AFF2: variants seen among roughly 807,000 people sequenced by gnomAD.
AFF2 encodes ALF transcription elongation factor 2.
Under a neutral mutation model 76.9 loss-of-function variants are expected in AFF2, and 14 were observed. The ratio of observed to expected loss-of-function variants is 0.18; its 90% CI spans 0.12 to 0.28. The LOEUF (loss-of-function observed/expected upper bound fraction) is 0.28. Among genes scored for constraint, AFF2 ranks in the 10% least tolerant of loss-of-function variants. AFF2 has a pLI of 1.00. For synonymous variants in AFF2, 398 were observed against 366.7 expected, an observed-to-expected ratio of 1.09 and a Z score of -0.98; for missense variants, 868 against 1,001.1, an observed-to-expected ratio of 0.87 and a Z score of 1.79.
chrX:148,581,616 A>G (rs368788371), intron 1 of AFF2, among the ~76,000 whole-genome samples: 19 of 98,166 alleles, frequency 1.9e-4, no homozygotes, highest in African/African-American at 7.6e-4. Context: ...GTACACACAT[A>G]TATACGTATA....
At chrX:148,849,634 T>TG (rs1431911092) in intron 7 of AFF2, among the ~76,000 whole-genome samples, 1 of 111,215 alleles carries the variant, frequency 9.0e-6, no homozygotes, top group Non-Finnish European at 1.9e-5. Flanking sequence ...TCATACTTAT[T>TG]GAGTGCCTAC....
At chrX:148,612,430 G>C (rs1023940245) in intron 1 of AFF2, among the ~76,000 whole-genome samples, 1 of 112,290 alleles carries the variant, frequency 8.9e-6, no homozygotes, top group South Asian at 3.6e-4. Flanking sequence ...AATATACATT[G>C]CTTTTCTAAT....
intron 1 of AFF2, among the ~76,000 whole-genome samples, chrX:148,508,610 A>G (rs1360609228): frequency 1.8e-5 from 2 of 111,826 alleles, no homozygotes; most frequent in African/African-American, 6.5e-5. Flanking sequence ...TTGAACAATG[A>G]AAAATGCAAT....
intron 3 of AFF2, among the ~76,000 whole-genome samples, chrX:148,732,603 A>C (rs1158559436): frequency 3.1e-5 from 3 of 96,965 alleles, no homozygotes; most frequent in Admixed American, 2.2e-4. Flanking sequence ...AAAGAAATAC[A>C]AGCAGATGAA....
intron 8 of AFF2, among the ~76,000 whole-genome samples, chrX:148,895,802 C>T (rs1557280259): frequency 9.0e-6 from 1 of 110,774 alleles, no homozygotes; most frequent in Non-Finnish European, 1.9e-5. Flanking sequence ...AGAACCTGGC[C>T]TCTTATATCC....
chrX:148,719,094 T>G (rs1424334935), intron 3 of AFF2: 1 of 1,106,160 alleles, frequency 9.0e-7, no homozygotes, highest in Non-Finnish European at 1.2e-6. Flanking sequence ...TAAGGTGAGT[T>G]TTGGTTGTGG....
intron 3 of AFF2, among the ~76,000 whole-genome samples, chrX:148,676,510 T>TGA (rs782419041): frequency 3.6e-5 from 4 of 112,132 alleles, no homozygotes; most frequent in East Asian, 5.6e-4. Flanking sequence ...ACTGAGATGA[T>TGA]GACATGTTGC....
At chrX:148,889,092 A>G (rs1474991804) in intron 8 of AFF2, among the ~76,000 whole-genome samples, 1 of 112,052 alleles carries the variant, frequency 8.9e-6, no homozygotes, top group African/African-American at 3.2e-5. Flanking sequence ...TAGTGAGTAC[A>G]CAGCAATCTT....
chrX:148,608,420 G>A (rs1442537498), intron 1 of AFF2, among the ~76,000 whole-genome samples: 1 of 111,402 alleles, frequency 9.0e-6, no homozygotes, highest in Non-Finnish European at 1.9e-5. Flanking sequence ...GAAAACTCTG[G>A]CTACCTGGTG....
chrX:148,907,522 G>A (rs188894470), intron 9 of AFF2, among the ~76,000 whole-genome samples: 101 of 110,396 alleles, frequency 9.1e-4, no homozygotes, highest in Non-Finnish European at 1.6e-3. Flanking sequence ...CTGGGTGTCC[G>A]GGGGGGACAT....
rs150629954 is a variant in AFF2 at position 148,681,513 on chromosome X, T to G, written c.1041+18745T>G. Among the ~76,000 whole-genome samples the G allele has an allele frequency of 4.2e-3, 457 of 108,139 alleles. 3 individuals are homozygous for G. The highest frequency in any genetic ancestry group is 0.015 in the African/African-American group (437 of 29,607). The allele number at this position is 108,139 out of a possible 115,157, so 93.9% of individuals were successfully genotyped here. On this transcript the variant is annotated intron_variant, in intron 3 of 20. Transcript: ENST00000370460. ...GAGCCTAAATGTTCAGTTGTAATGT[T>G]GATGATCACAGTGTGCTAAAAGATG... is the stretch of plus-strand genomic sequence containing the variant.
intron 7 of AFF2, among the ~76,000 whole-genome samples, chrX:148,865,951 A>T (rs1474167889): frequency 8.9e-6 from 1 of 112,055 alleles, no homozygotes; most frequent in African/African-American, 3.2e-5. Flanking sequence ...TGGCCTCGAT[A>T]AAACGAGTTG....
In AFF2 at chrX:148,987,420, G is replaced by A; in HGVS notation, c.3677G>A (p.Gly1226Glu). ...AACGTCTCCCCCATCAACGCAATGG[G>A]GAACTGTAACAATGGCCCAGTCACC... is the stretch of plus-strand genomic sequence containing the variant. ...LNNVSPINAM[G>E]NCNNGPVTIP... The change falls in exon 20 of 21, where the codon GGG becomes GAG. Residue 1226 changes from glycine (G) to glutamate (E), a missense_variant. Transcript: ENST00000370460. The A allele has an allele frequency of 8.3e-7, 1 of 1,211,133 alleles. No individual in the cohort carries two copies. Among genetic ancestry groups the A allele is most frequent in the Non-Finnish European group, 1.1e-6 (1 of 895,168 alleles).
intron 3 of AFF2, among the ~76,000 whole-genome samples, chrX:148,703,546 A>T (rs971913853): frequency 1.8e-5 from 2 of 112,181 alleles, no homozygotes; most frequent in Non-Finnish European, 3.8e-5. Flanking sequence ...TGAGGCATGG[A>T]TTTAGAAGTT....
chrX:148,916,270 C>T (rs1290617335), intron 9 of AFF2, among the ~76,000 whole-genome samples: 2 of 84,143 alleles, frequency 2.4e-5, no homozygotes, highest in African/African-American at 4.9e-5. Flanking sequence ...AGTGCAGTGG[C>T]GCGATCTCGG....
chrX:148,785,153 A>G (rs1557269413), intron 3 of AFF2, among the ~76,000 whole-genome samples: 1 of 112,255 alleles, frequency 8.9e-6, no homozygotes, highest in African/African-American at 3.2e-5. Context: ...ACAGAGTCAC[A>G]CAGAAACTAG....
At chrX:148,874,745 C>T (rs782542149) in intron 7 of AFF2, among the ~76,000 whole-genome samples, 10 of 111,408 alleles carry the variant, frequency 9.0e-5, no homozygotes, top group South Asian at 3.8e-4. Context: ...TCCTCCTCTC[C>T]GGTTCAGTTT....
At chrX:148,825,499 C>G (rs1358612162) in intron 4 of AFF2, among the ~76,000 whole-genome samples, 1 of 110,866 alleles carries the variant, frequency 9.0e-6, no homozygotes, top group Admixed American at 9.6e-5. Flanking sequence ...TTCACAGACT[C>G]TCTATCTGAT....
intron 3 of AFF2, among the ~76,000 whole-genome samples, chrX:148,743,233 C>T (rs1182246826): frequency 4.5e-5 from 5 of 112,110 alleles, no homozygotes; most frequent in African/African-American, 1.6e-4. Flanking sequence ...TCAACTGTTG[C>T]ATGAATGAGG....
Sources: gnomAD v4.1 joint callset for allele counts (sites outside exome capture counted in the v4.1 genomes callset) on GRCh38, gnomAD v4.1.1 for gene constraint, MANE v1.5 for transcripts, NCBI Gene and HGNC (gene_info 2026-07-23, HGNC 2026-07-21) for gene names.